The following NAV2 variants were observed in gnomAD, a reference collection of about 807,000 sequenced individuals.
The protein encoded by NAV2 is neuron navigator 2.
NAV2 carries 54 observed loss-of-function variants against 223.2 expected under a neutral mutation model. The ratio of observed to expected loss-of-function variants is 0.24; its 90% CI spans 0.19 to 0.30. NAV2 has a LOEUF of 0.30. Ranked by LOEUF, NAV2 falls within the 10% of genes least tolerant of loss-of-function variation. The pLI, the probability that NAV2 is intolerant of heterozygous loss-of-function variation, is 1.00. For missense variants in NAV2, 2,806 were observed against 3,147.5 expected (o/e 0.89, Z 2.60); for synonymous variants, 1,279 against 1,239.3 (o/e 1.03, Z -0.67).
chr11:19,672,048 G>A (rs753949254), intron 1 of NAV2, among the ~76,000 whole-genome samples: 54 of 152,172 alleles, frequency 3.5e-4, no homozygotes, highest in Non-Finnish European at 6.0e-4. Context: ...GAAGATTTCC[G>A]AGTTGAGTAA....
chr11:19,750,492 C>T (rs571121399), intron 1 of NAV2, among the ~76,000 whole-genome samples: 21 of 152,196 alleles, frequency 1.4e-4, no homozygotes, highest in Non-Finnish European at 2.5e-4. Flanking sequence ...ACACATCTGC[C>T]ACCTCTGTCC....
At chr11:19,668,768 T>C (rs1264523460) in intron 1 of NAV2, among the ~76,000 whole-genome samples, 1 of 152,002 alleles carries the variant, frequency 6.6e-6, no homozygotes, top group Admixed American at 6.6e-5. Context: ...ATTCACACTC[T>C]TTCACATCAG....
chr11:19,431,535 C>G (rs1256400359), intron 1 of NAV2, among the ~76,000 whole-genome samples: 1 of 152,140 alleles, frequency 6.6e-6, no homozygotes, highest in Admixed American at 6.5e-5. Flanking sequence ...TTCTGTTGCA[C>G]TAGAACAGTT....
At chr11:19,773,365 C>G (rs1263394341) in intron 1 of NAV2, among the ~76,000 whole-genome samples, 4 of 152,160 alleles carry the variant, frequency 2.6e-5, no homozygotes, top group African/African-American at 7.2e-5. Flanking sequence ...CTCCACAGTA[C>G]CAGAACACTG....
At chr11:19,640,767 ACTT>A (rs1159732420) in intron 1 of NAV2, among the ~76,000 whole-genome samples, 7 of 152,186 alleles carry the variant, frequency 4.6e-5, no homozygotes, top group Non-Finnish European at 7.3e-5. Context: ...ATGATAGCTG[ACTT>A]CTTATCCTCT....
In NAV2 at chr11:19,933,552, C is replaced by T. The variant is rs113762718; in HGVS notation, c.1308C>T (p.Phe436=). ...AGCGGCTGGAGACTCTGCCCAGCTTCGAAGAGAGCGAGGAGCTGGAGGCCG... is the reference window on the plus strand; with the variant it reads ...AGCGGCTGGAGACTCTGCCCAGCTTTGAAGAGAGCGAGGAGCTGGAGGCCG... ...SCERLETLPS[F]EESEELEAAS... Residue 436 remains phenylalanine (F), a synonymous_variant, in exon 7 of 38, where the codon TTC becomes TTT. Transcript: ENST00000349880. This position sits in a 1 kb window ranked among gnomAD's most constrained non-coding sequence, Gnocchi z 4.3. 2.9e-5 allele frequency: 46 copies of T among 1,609,356 alleles called. No individual in the cohort carries two copies. The highest frequency in any genetic ancestry group is 1.7e-4 in the Middle Eastern group (1 of 6,028).
chr11:19,572,303 C>T (rs1487199), intron 1 of NAV2, among the ~76,000 whole-genome samples: 228 of 152,122 alleles, frequency 1.5e-3, no homozygotes, highest in African/African-American at 5.0e-3. Context: ...TAAAGCCCTC[C>T]GTCCCTTCTT....
intron 1 of NAV2, among the ~76,000 whole-genome samples, chr11:19,772,759 G>T (rs2055819125): frequency 6.6e-6 from 1 of 152,174 alleles, no homozygotes; most frequent in South Asian, 2.1e-4. Context: ...CCCACATCAT[G>T]CATGGGAGCA....
At chr11:19,672,017 T>TG (rs1170319971) in intron 1 of NAV2, among the ~76,000 whole-genome samples, 1 of 152,186 alleles carries the variant, frequency 6.6e-6, no homozygotes, top group Non-Finnish European at 1.5e-5. Context: ...CCAAGCGCTG[T>TG]GGGAATGTAG....
intron 1 of NAV2, among the ~76,000 whole-genome samples, chr11:19,653,997 A>G (rs554564216): frequency 1.3e-5 from 2 of 152,254 alleles, no homozygotes; most frequent in East Asian, 1.9e-4. Context: ...AAACCCCATC[A>G]TCTCAGCCCA....
At chr11:19,417,333 C>A (rs1423291830) in intron 1 of NAV2, among the ~76,000 whole-genome samples, 5 of 152,134 alleles carry the variant, frequency 3.3e-5, no homozygotes, top group Non-Finnish European at 7.4e-5. Flanking sequence ...GGCCAAAAAA[C>A]ACATGGAAAA....
At chr11:19,752,238 T>C (rs750101579) in intron 1 of NAV2, among the ~76,000 whole-genome samples, 3 of 152,172 alleles carry the variant, frequency 2.0e-5, no homozygotes, top group Non-Finnish European at 2.9e-5. Context: ...ACGAGGGTAC[T>C]CAGGGAACAG....
chr11:19,821,079 G>A (rs558727034), intron 1 of NAV2, among the ~76,000 whole-genome samples: 11 of 152,196 alleles, frequency 7.2e-5, no homozygotes, highest in African/African-American at 1.9e-4. Flanking sequence ...TGGCTAACAC[G>A]GTGAAACCCC....
rs1200768011 is a variant in NAV2, at chr11:19,933,570, G to T, written c.1326G>T (p.Leu442=). The T allele has an allele frequency of 3.7e-6, 6 of 1,610,816 alleles. No homozygotes were observed. Among genetic ancestry groups the T allele is most frequent in the Non-Finnish European group, 5.1e-6 (6 of 1,177,914 alleles). The change falls in exon 7 of 38, where the codon CTG becomes CTT. Residue 442 remains leucine, a synonymous_variant. Coordinates refer to ENST00000349880, the MANE Select transcript of NAV2 (RefSeq NM_145117.5). This position sits in a 1 kb window ranked among gnomAD's most constrained non-coding sequence, Gnocchi z 4.3. ...TLPSFEESEE[L]EAASRMLTTV... The stretch of plus-strand genomic sequence containing the variant: ...CCAGCTTCGAAGAGAGCGAGGAGCT[G>T]GAGGCCGCCAGTCGCATGCTCACCA...
intron 26 of NAV2, among the ~76,000 whole-genome samples, chr11:20,084,906 A>G (rs2060323862): frequency 6.6e-6 from 1 of 152,192 alleles, no homozygotes; most frequent in African/African-American, 2.4e-5. Flanking sequence ...GGGGTTAACC[A>G]AGCCAGGTGC....
intron 1 of NAV2, among the ~76,000 whole-genome samples, chr11:19,499,879 A>G (rs2042909538): frequency 6.6e-6 from 1 of 152,162 alleles, no homozygotes; most frequent in African/African-American, 2.4e-5. Flanking sequence ...GAGTTCTAGC[A>G]TACAGTAGGC....
At chr11:19,805,269 T>C (rs1484655024) in intron 1 of NAV2, among the ~76,000 whole-genome samples, 2 of 152,202 alleles carry the variant, frequency 1.3e-5, no homozygotes, top group African/African-American at 4.8e-5. Flanking sequence ...TACATTTTCT[T>C]CTCTCATGGC....
At chr11:19,899,904 T>G (rs1159654577) in intron 6 of NAV2, among the ~76,000 whole-genome samples, 2 of 152,210 alleles carry the variant, frequency 1.3e-5, no homozygotes, top group African/African-American at 4.8e-5. Context: ...GAGTGTAAAC[T>G]TCTGCAAGAT....
chr11:19,363,479 A>C (rs1375705450), intron 1 of NAV2, among the ~76,000 whole-genome samples: 2 of 152,178 alleles, frequency 1.3e-5, no homozygotes, highest in Admixed American at 6.5e-5. Flanking sequence ...GATATCCCCC[A>C]GCTAATACGT....
Sources: allele counts gnomAD v4.1 joint callset (sites outside exome capture counted in the v4.1 genomes callset), GRCh38; gene constraint gnomAD v4.1.1; non-coding constraint Gnocchi (gnomAD v3.1); transcripts MANE v1.5; gene names NCBI Gene and HGNC (gene_info 2026-07-23, HGNC 2026-07-21).